The following MIB2 variants were observed in gnomAD, a reference collection of about 807,000 sequenced individuals.
The protein encoded by MIB2 is MIB E3 ubiquitin protein ligase 2, also known as E3 ubiquitin-protein ligase MIB2.
In MIB2, 78 loss-of-function variants were observed where a neutral mutation model predicts 96.6. That is an observed-to-expected ratio of 0.81 (90% confidence interval 0.67 to 0.97). The LOEUF (loss-of-function observed/expected upper bound fraction) is 0.97, where lower values mean the gene tolerates loss of function less well. Among genes scored for constraint, MIB2 ranks in the 50% least tolerant of loss-of-function variants. The probability of loss-of-function intolerance (pLI) is 0.00; values close to 1 mark genes in which losing one functional copy is unlikely to be tolerated. For missense variants in MIB2, 1,543 were observed against 1,424.0 expected, an observed-to-expected ratio of 1.08 and a Z score of -1.35; for synonymous variants, 820 against 629.5, an observed-to-expected ratio of 1.30 and a Z score of -4.53.
At position 1,615,801 on chromosome 1, in the gene MIB2, G is replaced by T. The variant is rs928294778; in HGVS notation, c.-130+168G>T. On this transcript the variant is annotated intron_variant, in intron 1 of 19. Transcript: ENST00000355826. ...GGGATGGGCTGGGGCTGCGCGCGCA[G>T]CGCCGCCGCGGGGCCTCCTGGGAGT... is the stretch of plus-strand genomic sequence containing the variant. The T allele has an allele frequency of 2.1e-5, 28 of 1,317,698 alleles. No individual in the cohort carries two copies. In the African/African-American group the frequency reaches 4.2e-4, roughly 20 times the overall value. The allele number at this position is 1,317,698 out of a possible 1,614,324, so 81.6% of individuals were successfully genotyped here. A position where few individuals can be genotyped will look rare whatever the true frequency, so the allele number is the denominator to read the frequency against.
rs759643443 is a variant in MIB2, at chr1:1,630,541, C to T, written c.*11C>T. On this transcript the variant is annotated 3_prime_UTR_variant, in exon 20 of 20. Coordinates refer to ENST00000355826, the MANE Select transcript of MIB2 (RefSeq NM_001170687.4). Reference sequence around the variant, plus strand: ...CAGATCTTCGTGTGAGCCGCGCCGTCCGCCGCGCCCGAGCTGCCTTCGCGT... The same window carrying T: ...CAGATCTTCGTGTGAGCCGCGCCGTTCGCCGCGCCCGAGCTGCCTTCGCGT... The T allele has an allele frequency of 1.1e-5, 17 of 1,548,784 alleles. No individual in the cohort carries two copies. The African/African-American group carries it at 2.2e-4, about 20-fold the overall frequency.
Position 1,623,773 on chromosome 1 carries a change from G to A in MIB2, c.248-1G>A. 3 of 1,589,830 alleles carry A rather than the reference G, an allele frequency of 1.9e-6. No homozygotes were observed. The highest frequency in any genetic ancestry group is 2.6e-6 in the Non-Finnish European group (3 of 1,169,406). On this transcript the variant is annotated splice_acceptor_variant, in intron 3 of 19. Coordinates refer to ENST00000355826, the MANE Select transcript of MIB2 (RefSeq NM_001170687.4). LOFTEE classifies it high-confidence loss of function. ...CCCCTCTGACCCCACCCCACCCCCA[G>A]GCGTCCGGCACCCCAACATCATCTG...
At chr1:1,618,340 C>T (rs1411199696) in intron 2 of MIB2, 4 of 152,434 alleles carry the variant, frequency 2.6e-5, no homozygotes, top group Non-Finnish European at 5.9e-5. Context: ...GCCTCCTGCT[C>T]TCCAGGAAGG....
rs373476165 is a variant in MIB2 at position 1,625,157 on chromosome 1, C to T, written c.693C>T (p.Phe231=). Reference sequence around the variant, plus strand: ...GTGTGGGCGAGGCAGCGGGCGGCTTCTACTACAAGGACCACCTCCCAAGGC... The same window carrying T: ...GTGTGGGCGAGGCAGCGGGCGGCTTTTACTACAAGGACCACCTCCCAAGGC... ...LKCVGEAAGG[F]YYKDHLPRLG... Residue 231 remains phenylalanine, a synonymous_variant, in exon 6 of 20, where the codon TTC becomes TTT. Coordinates refer to ENST00000355826, the MANE Select transcript of MIB2 (RefSeq NM_001170687.4). The surrounding 1 kb of genome is among the most constrained non-coding windows in gnomAD (Gnocchi z 5.0). 1.2e-6 allele frequency: 2 copies of T among 1,612,188 alleles called. No homozygotes were observed. Among genetic ancestry groups the T allele is most frequent in the South Asian group, 2.2e-5 (2 of 91,024 alleles).
chr1:1,621,903 AC>A lies in MIB2; in HGVS notation c.-22-1526del, dbSNP rs1295493479. On this transcript the variant is annotated intron_variant, in intron 2 of 19. Coordinates refer to ENST00000355826, the MANE Select transcript of MIB2 (RefSeq NM_001170687.4). ...CTCACCGGGCCTTGCTCGGGGGACA[AC>A]CTGTGGGGCTCAGGCCCCTGAGTCA... Among the ~76,000 whole-genome samples, 3 of 152,290 alleles carry A rather than the reference AC, an allele frequency of 2.0e-5. No homozygotes were observed. In the East Asian group the frequency reaches 5.8e-4, roughly 29 times the overall value.
chr1:1,628,211 G>A lies in MIB2; in HGVS notation c.1841+32G>A, dbSNP rs188559447. 266 of 1,612,114 alleles carry A rather than the reference G, an allele frequency of 1.7e-4. 1 individual carries two copies. The highest frequency in any genetic ancestry group is 2.8e-4 in the Admixed American group (17 of 59,988). On this transcript the variant is annotated intron_variant, in intron 14 of 19. Transcript: ENST00000355826. The stretch of plus-strand genomic sequence containing the variant: ...GTGGGGTGGGCACACAGCTGCAGCC[G>A]GCCTCTTGCTGTGCTGCCTGGGGGC...
chr1:1,626,695 C>T lies in MIB2; in HGVS notation c.1018C>T (p.Leu340Phe). 1.9e-6 allele frequency: 3 copies of T among 1,600,598 alleles called. No individual in the cohort carries two copies. The highest frequency in any genetic ancestry group is 2.6e-6 in the Non-Finnish European group (3 of 1,173,148). Reference sequence around the variant, plus strand: ...CGACGTGGTCCGGGTCATCGGCGACCTTGACACAGTGAAGCGGCTGCAGGC... The same window carrying T: ...CGACGTGGTCCGGGTCATCGGCGACTTTGACACAGTGAAGCGGCTGCAGGC... The part of the protein sequence containing the change: ...VGDVVRVIGD[L>F]DTVKRLQAGH... Residue 340 changes from leucine (L) to phenylalanine (F), a missense_variant, in exon 9 of 20, where the codon CTT becomes TTT. Coordinates refer to ENST00000355826, the MANE Select transcript of MIB2 (RefSeq NM_001170687.4). The surrounding 1 kb of genome is among the most constrained non-coding windows in gnomAD (Gnocchi z 5.3).
chr1:1,624,916 A>G lies in MIB2; in HGVS notation c.526+15A>G, dbSNP rs752676838. Reference sequence around the variant, plus strand: ...CTCACAGGATGGTGAGTGGAGGCAGAGGGGCGGGGTCAGGGCTGGGCTGTG... The same window carrying G: ...CTCACAGGATGGTGAGTGGAGGCAGGGGGGCGGGGTCAGGGCTGGGCTGTG... On this transcript the variant is annotated intron_variant, in intron 5 of 19. Coordinates refer to ENST00000355826, the MANE Select transcript of MIB2 (RefSeq NM_001170687.4). 6.2e-7 allele frequency: 1 copy of G among 1,610,948 alleles called. No individual in the cohort carries two copies. Among genetic ancestry groups the G allele is most frequent in the Non-Finnish European group, 8.5e-7 (1 of 1,178,812 alleles).
intron 4 of MIB2, among the ~76,000 whole-genome samples, chr1:1,624,567 T>C (rs1269541580): frequency 2.6e-5 from 4 of 152,148 alleles, no homozygotes; most frequent in Admixed American, 2.6e-4. Context: ...TGGAGGAACG[T>C]GGTCCGCAGG....
intron 16 of MIB2, 140 bp from the exon 17 acceptor site, chr1:1,628,993 C>T (rs953959001): frequency 3.1e-6 from 3 of 966,190 alleles, no homozygotes; most frequent in African/African-American, 3.4e-5. Flanking sequence ...CTGCCTGTCC[C>T]ACTTGGGTTC....
At chr1:1,624,606 A>G (rs1644563121) in intron 4 of MIB2, 189 bp from the exon 5 acceptor site, 2 of 659,988 alleles carry the variant, frequency 3.0e-6, no homozygotes, top group African/African-American at 1.8e-5. Flanking sequence ...GCCCAGGGGC[A>G]TTTCCTCACA....
At position 1,629,381 on chromosome 1, in the gene MIB2, G is replaced by A. The variant is rs547849145; in HGVS notation, c.2382-4G>A. The A allele has an allele frequency of 4.6e-5, 67 of 1,442,082 alleles. No individual in the cohort carries two copies. In the Middle Eastern group the frequency reaches 9.5e-4, roughly 20 times the overall value. The allele number at this position is 1,442,082 out of a possible 1,614,324, so 89.3% of individuals were successfully genotyped here. A position where few individuals can be genotyped will look rare whatever the true frequency, so the allele number is the denominator to read the frequency against. ...CCCTCTCAAGCCGCCTCCTCCCCCT[G>A]CAGGGAGCGGCAGGCGGGCGGGGGC... is the stretch of plus-strand genomic sequence containing the variant. On this transcript the variant is annotated splice_polypyrimidine_tract_variant and splice_region_variant and intron_variant, in intron 17 of 19. Coordinates refer to ENST00000355826, the MANE Select transcript of MIB2 (RefSeq NM_001170687.4).
Position 1,628,264 on chromosome 1 carries a change from G to A in MIB2, c.1842-9G>A, listed in dbSNP as rs1182298011. ...TCCCAGGTCCCAGACCAACCTCCCT[G>A]CTCCACAGAGCTGTGAGAAAGATTC... On this transcript the variant is annotated splice_polypyrimidine_tract_variant and intron_variant, in intron 14 of 19. Transcript: ENST00000355826. 9.9e-6 allele frequency: 16 copies of A among 1,612,882 alleles called. No individual in the cohort carries two copies. Among genetic ancestry groups the A allele is most frequent in the African/African-American group, 2.7e-5 (2 of 74,932 alleles).
intron 2 of MIB2, 28 bp from the exon 3 acceptor site, chr1:1,623,403 G>C (rs374321114): frequency 1.3e-6 from 2 of 1,599,676 alleles, no homozygotes; most frequent in Non-Finnish European, 1.7e-6. Context: ...CGAGCAGCCC[G>C]GCCCACCATG....
intron 2 of MIB2, among the ~76,000 whole-genome samples, chr1:1,621,151 G>A (rs969461597): frequency 6.6e-5 from 10 of 152,250 alleles, no homozygotes; most frequent in Non-Finnish European, 1.2e-4. Context: ...CAAACAGGAC[G>A]CAGCAGTGCA....
intron 2 of MIB2, among the ~76,000 whole-genome samples, chr1:1,622,803 G>C (rs946185585): frequency 1.3e-5 from 2 of 152,250 alleles, no homozygotes; most frequent in Non-Finnish European, 1.5e-5. Context: ...CTGACGTGCA[G>C]GGCCCAAAGC....
upstream of MIB2, chr1:1,615,406 G>C: frequency 6.9e-7 from 1 of 1,457,970 alleles, no homozygotes; most frequent in Non-Finnish European, 9.0e-7. Flanking sequence ...AGACGCTCCC[G>C]CGTGACGCAC....
Position 1,623,784 on chromosome 1 carries a change from C to G in MIB2, c.258C>G (p.His86Gln), listed in dbSNP as rs1180485441. 2.0e-5 allele frequency: 32 copies of G among 1,602,330 alleles called. No homozygotes were observed. The highest frequency in any genetic ancestry group is 2.6e-5 in the Non-Finnish European group (30 of 1,175,356). Residue 86 changes from histidine (H) to glutamine (Q), a missense_variant, in exon 4 of 20, where the codon CAC (histidine) becomes CAG (glutamine). Transcript: ENST00000355826. ...LYDNAQIGVR[H>Q]PNIICDCCKK... ...CCACCCCACCCCCAGGCGTCCGGCACCCCAACATCATCTGTGACTGCTGCA... is the reference window on the plus strand; with the variant it reads ...CCACCCCACCCCCAGGCGTCCGGCAGCCCAACATCATCTGTGACTGCTGCA...
intron 12 of MIB2, 46 bp from the exon 13 acceptor site, chr1:1,627,627 G>GCCAC (rs752306709): frequency 6.4e-7 from 1 of 1,557,498 alleles, no homozygotes; most frequent in Non-Finnish European, 8.6e-7. Context: ...TGTGCGTCCA[G>GCCAC]CCACCGGGCC....
Sources: allele counts gnomAD v4.1 joint callset (sites outside exome capture counted in the v4.1 genomes callset), GRCh38; gene constraint gnomAD v4.1.1; non-coding constraint Gnocchi (gnomAD v3.1); transcripts MANE v1.5; gene names NCBI Gene and HGNC (gene_info 2026-07-23, HGNC 2026-07-21).